The following USP42 variants were observed in gnomAD, a reference collection of about 807,000 sequenced individuals.
USP42 encodes ubiquitin carboxyl-terminal hydrolase 42.
In USP42, 23 loss-of-function variants were observed where a neutral mutation model predicts 113.0. The observed-to-expected ratio is 0.20, with a 90% confidence interval of 0.15 to 0.29. USP42 has a LOEUF of 0.29. Among genes scored for constraint, USP42 ranks in the 10% least tolerant of loss-of-function variants. The probability of loss-of-function intolerance (pLI) is 1.00; values close to 1 mark genes in which losing one functional copy is unlikely to be tolerated. For missense variants in USP42, 2,174 were observed against 1,779.8 expected, an observed-to-expected ratio of 1.22 and a Z score of -3.99; for synonymous variants, 933 against 699.0, an observed-to-expected ratio of 1.33 and a Z score of -5.28.
At chr7:6,084,918 C>T in the USP42 span, among the ~76,000 whole-genome samples, 1 of 150,406 alleles carries the variant, frequency 6.6e-6, no homozygotes, top group Non-Finnish European at 1.5e-5. Context: ...GGGGTTTCAC[C>T]ATGTTGGTCA....
chr7:6,146,490 C>G (rs1221332152), intron 11 of USP42, among the ~76,000 whole-genome samples: 1 of 151,996 alleles, frequency 6.6e-6, no homozygotes, highest in Non-Finnish European at 1.5e-5. Context: ...ATAGTGAGAC[C>G]ACATGTCTAC....
upstream of USP42, among the ~76,000 whole-genome samples, chr7:6,102,666 A>G (rs946361102): frequency 8.6e-5 from 13 of 150,822 alleles, no homozygotes; most frequent in Admixed American, 6.6e-5. Flanking sequence ...CAGAAGAGGC[A>G]GCATGGGTGG....
rs945181569 is a variant in USP42 at position 6,159,150 on chromosome 7, C to T, written c.3944-300C>T. On this transcript the variant is annotated intron_variant, in intron 16 of 17. Transcript: ENST00000306177. This position sits in a 1 kb window ranked among gnomAD's most constrained non-coding sequence, Gnocchi z 4.1. ...GCCCCTTGTCTTTCTCTTTCAAACT[C>T]CTCCTCTGGCTCTGTTCCGCCCAGT... Among the ~76,000 whole-genome samples, 6 of 152,224 alleles carry T rather than the reference C, an allele frequency of 3.9e-5. No homozygotes were observed. The highest frequency in any genetic ancestry group is 2.9e-5 in the Non-Finnish European group (2 of 68,036).
At chr7:6,112,383 A>C (rs970574682) in intron 2 of USP42, among the ~76,000 whole-genome samples, 1 of 152,150 alleles carries the variant, frequency 6.6e-6, no homozygotes, top group Non-Finnish European at 1.5e-5. Context: ...TGGGAGGCAG[A>C]GGTTGCAGTG....
chr7:6,113,508 C>T (rs1373771698), intron 2 of USP42, among the ~76,000 whole-genome samples: 1 of 152,156 alleles, frequency 6.6e-6, no homozygotes, highest in Non-Finnish European at 1.5e-5. Context: ...ATTTTGCTCT[C>T]CTTTCCCCAC....
intron 3 of USP42, 59 bp downstream of exon 3, chr7:6,115,582 C>T: frequency 2.6e-6 from 4 of 1,559,790 alleles, no homozygotes; most frequent in South Asian, 2.3e-5. Context: ...TTCATTTTTT[C>T]CTCTGAAATG....
At chr7:6,137,084 A>G (rs1386045698) in intron 4 of USP42, among the ~76,000 whole-genome samples, 1 of 152,224 alleles carries the variant, frequency 6.6e-6, no homozygotes, top group South Asian at 2.1e-4. Context: ...AAACTTTTGC[A>G]TCTTGTTAAT....
At chr7:6,092,718 A>G in the USP42 span, among the ~76,000 whole-genome samples, 1 of 151,290 alleles carries the variant, frequency 6.6e-6, no homozygotes, top group Admixed American at 6.6e-5. Flanking sequence ...TCCATAAAGG[A>G]GAGATTTGGG....
the USP42 span, among the ~76,000 whole-genome samples, chr7:6,086,150 C>T: frequency 7.3e-5 from 11 of 150,468 alleles, no homozygotes; most frequent in Non-Finnish European, 1.2e-4. Context: ...ATTCTCCTGC[C>T]TCAGCCTCCC....
intron 3 of USP42, among the ~76,000 whole-genome samples, chr7:6,124,485 C>G (rs1780415442): frequency 6.6e-6 from 1 of 151,398 alleles, no homozygotes; most frequent in Non-Finnish European, 1.5e-5. Context: ...AGGCTGGTCT[C>G]AAACTCCTGA....
At chr7:6,116,121 ACG>A (rs1562807249) in intron 3 of USP42, among the ~76,000 whole-genome samples, 2 of 148,826 alleles carry the variant, frequency 1.3e-5, no homozygotes, top group Admixed American at 6.7e-5. Context: ...AAAAAAAAAA[ACG>A]TCTGATGCCA....
upstream of USP42, among the ~76,000 whole-genome samples, chr7:6,102,545 G>C (rs1186382258): frequency 6.6e-6 from 1 of 150,426 alleles, no homozygotes; most frequent in Non-Finnish European, 1.5e-5. Context: ...AGGATCCCTT[G>C]AGGCCAGGGG....
Position 6,154,565 on chromosome 7 carries a change from A to G in USP42, c.3011A>G (p.Asp1004Gly), listed in dbSNP as rs765838732. 1.9e-6 allele frequency: 3 copies of G among 1,555,272 alleles called. No homozygotes were observed. The highest frequency in any genetic ancestry group is 8.7e-7 in the Non-Finnish European group (1 of 1,152,152). ...CCGGAGCACCACCCCGGCCACGGCG[A>G]CAGGCTCAGCCCTGGCGAGCGCCGC... ...HAPEHHPGHGDRLSPGERRSL... is the reference protein window; with the variant it reads ...HAPEHHPGHGGRLSPGERRSL... Residue 1004 changes from aspartate to glycine, a missense_variant, in exon 15 of 18, where the codon GAC becomes GGC. Asp to Gly is a moderately conservative substitution (Grantham distance 94, BLOSUM62 -1). Coordinates refer to ENST00000306177, the MANE Select transcript of USP42 (RefSeq NM_032172.3).
chr7:6,086,748 T>C, the USP42 span, among the ~76,000 whole-genome samples: 1 of 148,700 alleles, frequency 6.7e-6, no homozygotes, highest in Non-Finnish European at 1.5e-5. Flanking sequence ...CTTTTTGAGA[T>C]GGAGTTTCGC....
chr7:6,123,139 T>A (rs1368288412), intron 3 of USP42, among the ~76,000 whole-genome samples: 4 of 152,306 alleles, frequency 2.6e-5, no homozygotes, highest in Non-Finnish European at 4.4e-5. Context: ...TATGCCCTCT[T>A]GATGAACTCA....
chr7:6,139,050 T>A lies in USP42; in HGVS notation c.554-42T>A, dbSNP rs143054588. On this transcript the variant is annotated intron_variant, in intron 4 of 17. Transcript: ENST00000306177. This position sits in a 1 kb window ranked among gnomAD's most constrained non-coding sequence, Gnocchi z 4.5. ...TTTGGGGGGTACAACTTAGGCTTAT[T>A]ACGTGTAATGATAAAGCCTTGTCTT... is the stretch of plus-strand genomic sequence containing the variant. 92 of 1,361,886 alleles carry A rather than the reference T, an allele frequency of 6.8e-5. 3 individuals are homozygous for A. In the African/African-American group the frequency reaches 9.5e-4, roughly 14 times the overall value. 84.4% of individuals were successfully genotyped at this position (1,361,886 alleles called of 1,614,324 possible).
intron 2 of USP42, among the ~76,000 whole-genome samples, chr7:6,115,048 T>G (rs1779842954): frequency 6.6e-6 from 1 of 152,094 alleles, no homozygotes; most frequent in Admixed American, 6.6e-5. Flanking sequence ...AGTCTACACT[T>G]TGCATTTGGT....
At position 6,155,046 on chromosome 7, in the gene USP42, C is replaced by T. The variant is rs368655873; in HGVS notation, c.3492C>T (p.His1164=). The T allele has an allele frequency of 2.6e-5, 41 of 1,563,304 alleles. No individual in the cohort carries two copies. The highest frequency in any genetic ancestry group is 1.9e-4 in the African/African-American group (14 of 73,668). The part of the protein sequence containing the change: ...HENGKSRKRR[H]DSVENSDSHV... ...ATGGAAAGTCCCGGAAACGGAGACA[C>T]GACAGTGTGGAGAACAGTGACAGTC... The change falls in exon 15 of 18, where the codon CAC becomes CAT. Residue 1164 remains histidine, a synonymous_variant. Coordinates refer to ENST00000306177, the MANE Select transcript of USP42 (RefSeq NM_032172.3).
the USP42 span, among the ~76,000 whole-genome samples, chr7:6,091,971 C>T: frequency 6.9e-5 from 9 of 129,774 alleles, no homozygotes; most frequent in East Asian, 8.3e-4. Flanking sequence ...TCCTCAAGGA[C>T]GTATTTTTTC....
Sources: allele counts gnomAD v4.1 joint callset (sites outside exome capture counted in the v4.1 genomes callset), GRCh38; gene constraint gnomAD v4.1.1; non-coding constraint Gnocchi (gnomAD v3.1); transcripts MANE v1.5; gene names NCBI Gene and HGNC (gene_info 2026-07-23, HGNC 2026-07-21).